The following PAK1 variants were observed in gnomAD, a reference collection of about 807,000 sequenced individuals.
The protein encoded by PAK1 is p21 (RAC1) activated kinase 1.
PAK1 carries 29 observed loss-of-function variants against 67.4 expected under a neutral mutation model. The ratio of observed to expected loss-of-function variants is 0.43; its 90% CI spans 0.32 to 0.59. The LOEUF is 0.59. Among genes scored for constraint, PAK1 ranks in the 20% least tolerant of loss-of-function variants. The pLI is 0.07. For missense variants in PAK1, 337 were observed against 670.7 expected (o/e 0.50, Z 5.50); for synonymous variants, 223 against 237.4 (o/e 0.94, Z 0.56).
chr11:77,350,484 C>G (rs779231003), intron 8 of PAK1, among the ~76,000 whole-genome samples: 1 of 151,940 alleles, frequency 6.6e-6, no homozygotes, highest in Non-Finnish European at 1.5e-5. Flanking sequence ...TAACTAAAAC[C>G]CTCATTTTAT....
chr11:77,444,614 A>C (rs1956513415), intron 1 of PAK1, among the ~76,000 whole-genome samples: 1 of 152,202 alleles, frequency 6.6e-6, no homozygotes, highest in Admixed American at 6.5e-5. Flanking sequence ...CTGTTGCCTA[A>C]GAATAAATTG....
chr11:77,456,907 A>T (rs1249152362), intron 1 of PAK1, among the ~76,000 whole-genome samples: 1 of 152,012 alleles, frequency 6.6e-6, no homozygotes, highest in Non-Finnish European at 1.5e-5. Flanking sequence ...ACGCCCGGCT[A>T]ATTTTTCGTA....
chr11:77,371,770 T>C (rs1251709822), intron 5 of PAK1, among the ~76,000 whole-genome samples: 2 of 152,246 alleles, frequency 1.3e-5, no homozygotes, highest in African/African-American at 4.8e-5. Context: ...GAGAACAATG[T>C]CCTTGACAGC....
chr11:77,337,580 G>T (rs1380318672), intron 11 of PAK1, among the ~76,000 whole-genome samples, 157 bp from the exon 12 acceptor site: 1 of 152,202 alleles, frequency 6.6e-6, no homozygotes, highest in Non-Finnish European at 1.5e-5. Context: ...CGCAGAGCCA[G>T]ATCTAGAAAC....
chr11:77,327,154 C>T (rs1319029598), intron 14 of PAK1, among the ~76,000 whole-genome samples: 2 of 152,192 alleles, frequency 1.3e-5, no homozygotes, highest in South Asian at 2.1e-4. Flanking sequence ...AAATCTACGT[C>T]TGATTGGTAT....
chr11:77,432,485 C>A (rs1448043467), intron 1 of PAK1, among the ~76,000 whole-genome samples: 2 of 151,896 alleles, frequency 1.3e-5, no homozygotes, highest in Non-Finnish European at 2.9e-5. Flanking sequence ...GAAATACAAG[C>A]ACCTAGATTA....
intron 1 of PAK1, among the ~76,000 whole-genome samples, chr11:77,417,012 T>A (rs1232013261): frequency 6.6e-6 from 1 of 151,978 alleles, no homozygotes; most frequent in Non-Finnish European, 1.5e-5. Flanking sequence ...GCACAGCAGG[T>A]TTGTTTACAC....
the PAK1 span, among the ~76,000 whole-genome samples, chr11:77,525,776 C>T: frequency 6.6e-6 from 1 of 152,188 alleles, no homozygotes; most frequent in Non-Finnish European, 1.5e-5. Context: ...GGTGCTCTTA[C>T]ATAAGTAAGG....
At chr11:77,484,957 CAA>C in the PAK1 span, among the ~76,000 whole-genome samples, 1 of 151,864 alleles carries the variant, frequency 6.6e-6, no homozygotes, top group Non-Finnish European at 1.5e-5. Flanking sequence ...TGGTAGCAGG[CAA>C]AAAAAGAGAG....
rs1946407676 is a variant in PAK1 at position 77,358,935 on chromosome 11, G to A, written c.560C>T (p.Pro187Leu). 1 of 1,613,664 alleles carries A rather than the reference G, an allele frequency of 6.2e-7. No individual in the cohort carries two copies. The highest frequency in any genetic ancestry group is 8.5e-7 in the Non-Finnish European group (1 of 1,179,702). Reference protein sequence around the residue: ...EDDDDDDATPPPVIAPRPEHT... With the variant: ...EDDDDDDATPLPVIAPRPEHT... ...CTCTGGGCGTGGAGCAATCACTGGT[G>A]GTGGGGTAGCATCATCATCATCATC... The change falls in exon 6 of 15, where the codon CCA becomes CTA. Residue 187 changes from proline (P) to leucine (L), a missense_variant. Physicochemically the swap from Pro to Leu is moderately conservative, Grantham distance 98 (BLOSUM62 -3). This residue lies in a region of PAK1 where 150 missense variants were observed against 179.0 expected (regional missense o/e 0.84). Transcript: ENST00000356341.
chr11:77,493,371 C>G, the PAK1 span, among the ~76,000 whole-genome samples: 1 of 150,340 alleles, frequency 6.7e-6, no homozygotes, highest in Non-Finnish European at 1.5e-5. Context: ...CTCCACCTCC[C>G]AGGTTTAAGC....
At chr11:77,379,818 T>G in intron 3 of PAK1, 76 bp downstream of exon 3, 3 of 971,930 alleles carry the variant, frequency 3.1e-6, no homozygotes, top group Non-Finnish European at 4.8e-6. Flanking sequence ...ATCAGGAAGA[T>G]GAGAAAGGGT....
the PAK1 span, among the ~76,000 whole-genome samples, chr11:77,500,581 C>G: frequency 6.6e-6 from 1 of 152,150 alleles, no homozygotes; most frequent in Non-Finnish European, 1.5e-5. Context: ...TTCAGTGGCT[C>G]ACACCTGTAA....
chr11:77,373,440 G>A (rs1038334009), intron 5 of PAK1, among the ~76,000 whole-genome samples: 2 of 151,648 alleles, frequency 1.3e-5, no homozygotes, highest in Non-Finnish European at 2.9e-5. Flanking sequence ...TATACCTGTA[G>A]TCCCAGCTAT....
chr11:77,523,627 C>T, the PAK1 span, among the ~76,000 whole-genome samples: 1 of 152,032 alleles, frequency 6.6e-6, no homozygotes, highest in Non-Finnish European at 1.5e-5. Context: ...ACTATGTTGG[C>T]CAGGCTGGTC....
intron 2 of PAK1, among the ~76,000 whole-genome samples, chr11:77,385,343 G>A (rs938950258): frequency 5.9e-5 from 9 of 152,334 alleles, no homozygotes; most frequent in Non-Finnish European, 1.2e-4. Context: ...TCATGTCTCT[G>A]AGTAGGTAAA....
chr11:77,361,621 G>A (rs964410909), intron 5 of PAK1, among the ~76,000 whole-genome samples: 4 of 151,934 alleles, frequency 2.6e-5, no homozygotes, highest in Non-Finnish European at 5.9e-5. Flanking sequence ...TAGAGAAAAG[G>A]TTTTTTTAAT....
Position 77,353,582 on chromosome 11 carries a change from C to A in PAK1, c.790G>T (p.Gly264Cys). ...CGTGTATATTTCTTCTTAGGATCGC[C>A]CACACTCACTATGCTTCCTTTGAAA... Reference protein sequence around the residue: ...LEKLRSIVSVGDPKKKYTRFE... With the variant: ...LEKLRSIVSVCDPKKKYTRFE... The change falls in exon 8 of 15, where the codon GGC (glycine) becomes TGC (cysteine). Residue 264 changes from glycine (G) to cysteine (C), a missense_variant. By Grantham distance (159) the Gly-to-Cys change is radical. Around this residue, in one of 8 missense-constraint regions of PAK1, gnomAD observed 150 missense variants for 179.0 expected, o/e 0.84. Coordinates refer to ENST00000356341, the MANE Select transcript of PAK1 (RefSeq NM_002576.5). 1.2e-6 allele frequency: 2 copies of A among 1,610,034 alleles called. No homozygotes were observed. The highest frequency in any genetic ancestry group is 1.7e-6 in the Non-Finnish European group (2 of 1,176,446).
Position 77,393,407 on chromosome 11 carries a change from C to A in PAK1, c.-21-866G>T, listed in dbSNP as rs1389821338. On this transcript the variant is annotated intron_variant, in intron 1 of 14. Transcript: ENST00000356341. ...ACTCCAGGGCTCAAGAGATCCTCCC[C>A]ACTCAGCCTCCAGAGTAGCTGGGAC... 2.0e-5 allele frequency among the ~76,000 whole-genome samples: 3 copies of A among 152,000 alleles called. No homozygotes were observed. The East Asian group carries it at 5.8e-4, about 29-fold the overall frequency.
Sources: gnomAD v4.1 joint callset for allele counts (sites outside exome capture counted in the v4.1 genomes callset) on GRCh38, gnomAD v4.1.1 for gene constraint, gnomAD v4.1.1 regional missense constraint, MANE v1.5 for transcripts, NCBI Gene and HGNC (gene_info 2026-07-23, HGNC 2026-07-21) for gene names.